Variants in ANKFN1 observed in about 807,000 individuals in gnomAD.
ANKFN1 encodes ankyrin repeat and fibronectin type III domain containing 1, also known as ankyrin repeat and fibronectin type-III domain-containing protein 1.
Under a neutral mutation model 108.7 loss-of-function variants are expected in ANKFN1, and 74 were observed. The observed-to-expected ratio is 0.68, with a 90% CI of 0.56 to 0.83. ANKFN1 has a LOEUF of 0.83. Among genes scored for constraint, ANKFN1 ranks in the 40% least tolerant of loss-of-function variants. ANKFN1 has a pLI of 0.00. For synonymous variants in ANKFN1, 547 were observed against 516.2 expected (o/e 1.06, Z -0.81); for missense variants, 1,505 against 1,382.3 (o/e 1.09, Z -1.41).
intron 4 of ANKFN1, among the ~76,000 whole-genome samples, chr17:56,345,469 CTG>C (rs1203624366): frequency 6.6e-6 from 1 of 152,096 alleles, no homozygotes; most frequent in African/African-American, 2.4e-5. Context: ...AATCACCACA[CTG>C]TCTTTCACAA....
intron 4 of ANKFN1, among the ~76,000 whole-genome samples, chr17:56,095,287 G>A (rs1297509317): frequency 6.8e-6 from 1 of 147,858 alleles, no homozygotes; most frequent in East Asian, 2.0e-4. Flanking sequence ...CTTGTTGAAT[G>A]CTTTACTTTT....
intron 4 of ANKFN1, among the ~76,000 whole-genome samples, chr17:56,136,346 AGAAAG>A (rs774056860): frequency 7.2e-5 from 11 of 152,220 alleles, no homozygotes; most frequent in Non-Finnish European, 1.3e-4. Flanking sequence ...TCTTTGGAAA[AGAAAG>A]GAGACTAAGG....
At chr17:56,433,662 C>G (rs969289263) in intron 8 of ANKFN1, among the ~76,000 whole-genome samples, 1 of 152,016 alleles carries the variant, frequency 6.6e-6, no homozygotes, top group African/African-American at 2.4e-5. Flanking sequence ...ACACGATGGA[C>G]TTTGAGACTC....
chr17:56,227,785 A>G, intron 2 of ANKFN1, 132 bp from the exon 3 acceptor site: 1 of 719,530 alleles, frequency 1.4e-6, no homozygotes, highest in Non-Finnish European at 2.3e-6. Flanking sequence ...CCCAATAAAT[A>G]TATATTCATC....
In ANKFN1 at chr17:56,498,999, CA is replaced by C. The variant is rs2051286737; in HGVS notation, c.2546del (p.Gln849ArgfsTer3). 2 of 1,535,746 alleles carry C rather than the reference CA, an allele frequency of 1.3e-6. No homozygotes were observed. The highest frequency in any genetic ancestry group is 1.7e-6 in the Non-Finnish European group (2 of 1,146,640). ...TAAGCTGATAGACCCCTCAGATGAG[CA>C]GAGCCTAAAGAAGATCAATTCTACA... ...ITKLIDPSDE[Q>X]SLKKINSTSS... is the part of the protein sequence containing the mutation. On this transcript the variant is annotated frameshift_variant, in exon 20 of 21. Coordinates refer to ENST00000682825, the MANE Select transcript of ANKFN1 (RefSeq NM_001370326.1). LOFTEE classifies it high-confidence loss of function.
intron 3 of ANKFN1, among the ~76,000 whole-genome samples, chr17:56,305,450 G>A (rs912721582): frequency 6.6e-6 from 1 of 152,144 alleles, no homozygotes; most frequent in African/African-American, 2.4e-5. Flanking sequence ...ATCCTCTTCA[G>A]TGAAATATCT....
chr17:56,235,664 A>C (rs575990844), intron 3 of ANKFN1, among the ~76,000 whole-genome samples: 14 of 152,200 alleles, frequency 9.2e-5, no homozygotes, highest in South Asian at 6.2e-4. Context: ...AGATGGTTGT[A>C]GGTGTGCAGC....
intron 3 of ANKFN1, among the ~76,000 whole-genome samples, chr17:56,238,141 A>G (rs1012448969): frequency 3.3e-5 from 5 of 152,060 alleles, no homozygotes; most frequent in African/African-American, 1.2e-4. Context: ...GTCCAAGAGT[A>G]TGTTTGATAT....
intron 4 of ANKFN1, among the ~76,000 whole-genome samples, chr17:56,106,955 T>C (rs1905763075): frequency 6.6e-6 from 1 of 152,212 alleles, no homozygotes; most frequent in South Asian, 2.1e-4. Context: ...GAAATACTAC[T>C]TCACTCTCAT....
intron 4 of ANKFN1, among the ~76,000 whole-genome samples, chr17:56,071,110 C>T (rs1905116633): frequency 6.6e-6 from 1 of 152,120 alleles, no homozygotes; most frequent in Admixed American, 6.5e-5. Flanking sequence ...AACAAACAAG[C>T]TTCTCTCTGA....
intron 5 of ANKFN1, 72 bp from the exon 6 acceptor site, chr17:56,353,764 C>T: frequency 7.0e-7 from 1 of 1,422,570 alleles, no homozygotes; most frequent in Non-Finnish European, 9.9e-7. Flanking sequence ...AGTCTTTAAA[C>T]TTCAAAAGAG....
chr17:56,246,342 C>G (rs1917953640), intron 3 of ANKFN1, among the ~76,000 whole-genome samples: 1 of 152,076 alleles, frequency 6.6e-6, no homozygotes, highest in South Asian at 2.1e-4. Flanking sequence ...AGAAAATAAT[C>G]TGCTCTATTC....
intron 8 of ANKFN1, among the ~76,000 whole-genome samples, chr17:56,379,775 A>G (rs919871142): frequency 1.3e-5 from 2 of 152,208 alleles, no homozygotes; most frequent in African/African-American, 4.8e-5. Flanking sequence ...CAATTCTTAT[A>G]TGTATCTCTC....
At chr17:56,478,621 C>T (rs2050591286) in intron 16 of ANKFN1, among the ~76,000 whole-genome samples, 1 of 151,816 alleles carries the variant, frequency 6.6e-6, no homozygotes. Context: ...ACTTTACAAC[C>T]CTCATAGCAG....
intron 3 of ANKFN1, among the ~76,000 whole-genome samples, chr17:56,238,152 G>A (rs1006269238): frequency 6.6e-6 from 1 of 152,068 alleles, no homozygotes; most frequent in African/African-American, 2.4e-5. Context: ...TGTTTGATAT[G>A]ATTTCAGTTC....
intron 4 of ANKFN1, among the ~76,000 whole-genome samples, chr17:56,121,626 A>G (rs1321993793): frequency 6.6e-6 from 1 of 152,068 alleles, no homozygotes; most frequent in Non-Finnish European, 1.5e-5. Flanking sequence ...GCTAGGGGAA[A>G]AAAAGGGTGG....
chr17:56,162,615 T>A (rs1463027004), intron 1 of ANKFN1, among the ~76,000 whole-genome samples: 1 of 152,186 alleles, frequency 6.6e-6, no homozygotes, highest in Admixed American at 6.5e-5. Context: ...AGTACTGGGG[T>A]GTGGAAATTC....
At chr17:56,480,114 A>C (rs1598693148) in intron 16 of ANKFN1, among the ~76,000 whole-genome samples, 1 of 152,222 alleles carries the variant, frequency 6.6e-6, no homozygotes, top group Non-Finnish European at 1.5e-5. Context: ...AAGCAGTGAT[A>C]TGCATCCCTT....
intron 1 of ANKFN1, among the ~76,000 whole-genome samples, chr17:56,201,348 T>A (rs146184692): frequency 6.6e-6 from 1 of 152,214 alleles, no homozygotes; most frequent in Non-Finnish European, 1.5e-5. Context: ...AGACCTTTGT[T>A]TGAGCGCTCC....
Sources: gnomAD v4.1 joint callset for allele counts (sites outside exome capture counted in the v4.1 genomes callset) on GRCh38, gnomAD v4.1.1 for gene constraint, MANE v1.5 for transcripts, NCBI Gene and HGNC (gene_info 2026-07-23, HGNC 2026-07-21) for gene names.